EYS: variants seen among roughly 807,000 people sequenced by gnomAD.
The protein encoded by EYS is EGF-like photoreceptor maintenance factor, also known as protein eyes shut homolog.
Under a neutral mutation model 282.1 loss-of-function variants are expected in EYS, and 250 were observed. That is an observed-to-expected ratio of 0.89 (90% confidence interval 0.80 to 0.98). The LOEUF (loss-of-function observed/expected upper bound fraction) is 0.98, where lower values mean the gene tolerates loss of function less well. Among genes scored for constraint, EYS ranks in the 50% least tolerant of loss-of-function variants. The pLI is 0.00. For synonymous variants in EYS, 1,355 were observed against 1,282.9 expected (o/e 1.06, Z -1.20); for missense variants, 4,016 against 3,709.0 (o/e 1.08, Z -2.15).
chr6:63,941,524 T>A (rs896964465), intron 35 of EYS, among the ~76,000 whole-genome samples: 1 of 152,204 alleles, frequency 6.6e-6, no homozygotes, highest in African/African-American at 2.4e-5. Context: ...CACTTTTTGA[T>A]GGGGTTGTTT....
intron 13 of EYS, among the ~76,000 whole-genome samples, chr6:65,054,270 T>C (rs892923556): frequency 2.6e-5 from 4 of 152,106 alleles, no homozygotes; most frequent in African/African-American, 9.6e-5. Context: ...TGTTTATCTC[T>C]CAGTATAATA....
At chr6:64,041,679 T>C (rs902813280) in intron 33 of EYS, among the ~76,000 whole-genome samples, 5 of 152,198 alleles carry the variant, frequency 3.3e-5, no homozygotes, top group Non-Finnish European at 5.9e-5. Context: ...CCAATTTCCC[T>C]ATGTGGGATG....
chr6:64,949,736 C>T (rs1235694164), intron 14 of EYS, among the ~76,000 whole-genome samples: 2 of 151,796 alleles, frequency 1.3e-5, no homozygotes, highest in African/African-American at 2.4e-5. Context: ...ATGGGAATCT[C>T]GAGGATCATC....
At chr6:64,159,729 T>C (rs1775046191) in intron 31 of EYS, among the ~76,000 whole-genome samples, 1 of 151,708 alleles carries the variant, frequency 6.6e-6, no homozygotes, top group South Asian at 2.1e-4. Context: ...ATATTTTTTT[T>C]CCGTTTAAGA....
chr6:64,541,300 A>C (rs1385400730), intron 26 of EYS, among the ~76,000 whole-genome samples: 3 of 152,150 alleles, frequency 2.0e-5, no homozygotes, highest in Admixed American at 2.0e-4. Context: ...ATTTAGAAAT[A>C]CCTCATTTTC....
intron 14 of EYS, among the ~76,000 whole-genome samples, chr6:64,983,777 C>G (rs1025853283): frequency 2.7e-5 from 4 of 150,928 alleles, no homozygotes; most frequent in Admixed American, 2.6e-4. Flanking sequence ...GTGGTTATTT[C>G]TCCCTGTTTT....
chr6:63,935,960 C>G (rs1297543808), intron 35 of EYS, among the ~76,000 whole-genome samples: 1 of 152,224 alleles, frequency 6.6e-6, no homozygotes, highest in African/African-American at 2.4e-5. Flanking sequence ...GTTCCCTCTA[C>G]CTGGTACACC....
chr6:64,452,332 C>A (rs897282140), intron 26 of EYS, among the ~76,000 whole-genome samples: 1 of 152,104 alleles, frequency 6.6e-6, no homozygotes, highest in Admixed American at 6.5e-5. Context: ...AGGAGAACTA[C>A]AAACCACTGC....
intron 31 of EYS, among the ~76,000 whole-genome samples, chr6:64,087,119 T>G (rs1772182018): frequency 6.6e-6 from 1 of 152,150 alleles, no homozygotes; most frequent in African/African-American, 2.4e-5. Context: ...CCTTAGCATA[T>G]AACTTGGAAA....
intron 35 of EYS, among the ~76,000 whole-genome samples, chr6:63,978,106 A>T (rs1160004212): frequency 6.6e-6 from 1 of 152,048 alleles, no homozygotes; most frequent in African/African-American, 2.4e-5. Context: ...ACCATCAATG[A>T]CAGAAGAAAA....
Position 64,766,488 on chromosome 6 carries a change from T to C in EYS, c.3443+46890A>G, listed in dbSNP as rs190594714. On this transcript the variant is annotated intron_variant, in intron 22 of 42. Transcript: ENST00000503581. ...CTGTACTAATAATACAAAAATTAGA[T>C]GGGCATGGTTGTGGGCGCCTATAAT... 4.5e-3 allele frequency among the ~76,000 whole-genome samples: 673 copies of C among 148,000 alleles called. 5 individuals are homozygous for C. Among genetic ancestry groups the C allele is most frequent in the African/African-American group, 0.016 (633 of 40,582 alleles).
chr6:64,468,954 C>T (rs1776022281), intron 26 of EYS, among the ~76,000 whole-genome samples: 2 of 152,132 alleles, frequency 1.3e-5, no homozygotes, highest in African/African-American at 4.8e-5. Flanking sequence ...ACTAGTGCTG[C>T]AGTGAACACA....
intron 12 of EYS, among the ~76,000 whole-genome samples, chr6:65,167,667 T>G (rs1387194824): frequency 4.6e-5 from 7 of 151,190 alleles, no homozygotes; most frequent in African/African-American, 1.5e-4. Flanking sequence ...GAAACTGACT[T>G]GAGAGTACCT....
intron 35 of EYS, among the ~76,000 whole-genome samples, chr6:63,966,336 T>C (rs919734874): frequency 2.0e-5 from 3 of 152,146 alleles, no homozygotes; most frequent in Admixed American, 2.0e-4. Context: ...GGCATAAGAA[T>C]GATACAAAGG....
chr6:64,391,443 A>G (rs1391022541), intron 28 of EYS, among the ~76,000 whole-genome samples: 1 of 152,184 alleles, frequency 6.6e-6, no homozygotes, highest in African/African-American at 2.4e-5. Flanking sequence ...GAAACCCTAC[A>G]AGCCAGAAGA....
At chr6:65,578,906 C>T (rs1044230897) in intron 2 of EYS, among the ~76,000 whole-genome samples, 6 of 152,186 alleles carry the variant, frequency 3.9e-5, no homozygotes, top group Admixed American at 1.3e-4. Flanking sequence ...AAGATTACAA[C>T]GTACCCCATT....
intron 14 of EYS, among the ~76,000 whole-genome samples, chr6:64,995,169 T>A (rs1292688673): frequency 3.9e-5 from 6 of 152,164 alleles, no homozygotes; most frequent in African/African-American, 1.4e-4. Context: ...CATGTCATCA[T>A]GACTGACCTA....
At chr6:65,655,724 T>A (rs1767798004) in intron 1 of EYS, among the ~76,000 whole-genome samples, 1 of 151,856 alleles carries the variant, frequency 6.6e-6, no homozygotes, top group South Asian at 2.1e-4. Context: ...TGTGACTGAA[T>A]TGCTGCAATC....
chr6:65,409,643 A>T (rs544769119), intron 5 of EYS, among the ~76,000 whole-genome samples: 1 of 152,234 alleles, frequency 6.6e-6, no homozygotes, highest in East Asian at 1.9e-4. Context: ...GTTTATAACC[A>T]TTTTCATCCA....
Sources: gnomAD v4.1 joint callset for allele counts (sites outside exome capture counted in the v4.1 genomes callset) on GRCh38, gnomAD v4.1.1 for gene constraint, MANE v1.5 for transcripts, NCBI Gene and HGNC (gene_info 2026-07-23, HGNC 2026-07-21) for gene names.